TRPM3: variants seen among roughly 807,000 people sequenced by gnomAD.
TRPM3 encodes the protein transient receptor potential cation channel subfamily M member 3.
In TRPM3, 77 loss-of-function variants were observed where a neutral mutation model predicts 181.2. The observed-to-expected ratio is 0.42, with a 90% CI of 0.35 to 0.51. TRPM3 has a LOEUF of 0.51. Ranked by LOEUF, TRPM3 falls within the 20% of genes least tolerant of loss-of-function variation. TRPM3 has a pLI of 0.01. For synonymous variants in TRPM3, 745 were observed against 796.4 expected (o/e 0.94, Z 1.09); for missense variants, 1,759 against 2,196.7 (o/e 0.80, Z 3.98).
At chr9:71,244,842 G>T (rs1008620060) in intron 1 of TRPM3, among the ~76,000 whole-genome samples, 2 of 152,150 alleles carry the variant, frequency 1.3e-5, no homozygotes, top group African/African-American at 4.8e-5. Context: ...TGAAGGATTT[G>T]ATAGCACTAT....
intron 1 of TRPM3, among the ~76,000 whole-genome samples, chr9:71,103,503 A>G (rs2068802893): frequency 6.6e-6 from 1 of 152,214 alleles, no homozygotes; most frequent in Admixed American, 6.5e-5. Flanking sequence ...AAACTGTGTC[A>G]TTGTGATATT....
rs549615078 is a variant in TRPM3 at position 70,688,593 on chromosome 9, C to A, written c.1273-7015G>T. ...GGTCTTATCTCTTGCTGACTGCACT[C>A]CCACCATCACAGCATGACCCAATCC... On this transcript the variant is annotated intron_variant, in intron 8 of 25. Transcript: ENST00000677713. Among the ~76,000 whole-genome samples, 45 of 152,284 alleles carry A rather than the reference C, an allele frequency of 3.0e-4. No individual in the cohort carries two copies. The East Asian group carries it at 8.7e-3, about 29-fold the overall frequency.
intron 1 of TRPM3, among the ~76,000 whole-genome samples, chr9:70,925,056 C>T (rs1186682560): frequency 6.6e-6 from 1 of 152,188 alleles, no homozygotes; most frequent in Non-Finnish European, 1.5e-5. Context: ...CACGGACTCA[C>T]TTGAGTCAGT....
chr9:71,381,210 A>G (rs1202634402), intron 1 of TRPM3, among the ~76,000 whole-genome samples: 2 of 152,170 alleles, frequency 1.3e-5, no homozygotes, highest in Non-Finnish European at 2.9e-5. Context: ...ATGATAGAGG[A>G]CAGGGGTGAC....
chr9:70,794,252 C>T (rs866770202), intron 6 of TRPM3, among the ~76,000 whole-genome samples: 1 of 152,082 alleles, frequency 6.6e-6, no homozygotes, highest in Non-Finnish European at 1.5e-5. Flanking sequence ...CCATCTCTCA[C>T]GTAAAGAGAA....
At chr9:70,848,976 CAAAAAAA>C (rs749477799) in intron 3 of TRPM3, among the ~76,000 whole-genome samples, 1 of 11,976 alleles carries the variant, frequency 8.4e-5, no homozygotes, top group East Asian at 1.2e-3. Flanking sequence ...GACTCCGTCT[CAAAAAAA>C]AAAAAAAAAA....
intron 1 of TRPM3, among the ~76,000 whole-genome samples, chr9:71,021,679 T>C (rs2097848723): frequency 6.6e-6 from 1 of 152,128 alleles, no homozygotes; most frequent in Admixed American, 6.5e-5. Flanking sequence ...GACGAAATAT[T>C]TGAGGTCAGA....
At chr9:71,060,991 A>G (rs1313799945) in intron 1 of TRPM3, among the ~76,000 whole-genome samples, 2 of 152,100 alleles carry the variant, frequency 1.3e-5, no homozygotes, top group Admixed American at 1.3e-4. Context: ...TTAAGAAAAA[A>G]GTGGGTCTTT....
intron 1 of TRPM3, among the ~76,000 whole-genome samples, chr9:71,097,769 G>T (rs890698169): frequency 3.1e-4 from 47 of 152,070 alleles, no homozygotes; most frequent in Non-Finnish European, 6.9e-4. Flanking sequence ...CCAATCAGTG[G>T]TTTTAAAATA....
intron 22 of TRPM3, among the ~76,000 whole-genome samples, chr9:70,559,245 C>T (rs963031592): frequency 3.9e-5 from 6 of 152,150 alleles, no homozygotes; most frequent in Non-Finnish European, 8.8e-5. Flanking sequence ...ACATGGATGT[C>T]ACACACTGCA....
At chr9:70,595,876 G>T (rs1167401199) in intron 21 of TRPM3, among the ~76,000 whole-genome samples, 1 of 152,128 alleles carries the variant, frequency 6.6e-6, no homozygotes, top group Non-Finnish European at 1.5e-5. Context: ...TTGAACTGGG[G>T]TTCCGTTTTG....
At chr9:71,063,253 G>T (rs1180971913) in intron 1 of TRPM3, among the ~76,000 whole-genome samples, 4 of 152,254 alleles carry the variant, frequency 2.6e-5, no homozygotes, top group African/African-American at 9.6e-5. Flanking sequence ...GAGGAGCCTG[G>T]AATGCTGCTC....
At chr9:70,912,644 C>G (rs1187973840) in intron 1 of TRPM3, among the ~76,000 whole-genome samples, 1 of 152,084 alleles carries the variant, frequency 6.6e-6, no homozygotes, top group Non-Finnish European at 1.5e-5. Flanking sequence ...GAAGTCAAAA[C>G]AAATGTGGAT....
rs1590822689 is a variant in TRPM3, at chr9:71,032,101, T to TAA, written c.177+89076_177+89077insTT. On this transcript the variant is annotated intron_variant, in intron 1 of 25. Transcript: ENST00000677713. Reference sequence around the variant, plus strand: ...ATTATATATATATAATTATATAATATTATATATATTATATTATATATATTA... The same window carrying TAA: ...ATTATATATATATAATTATATAATATAATATATATATTATATTATATATATTA... Among the ~76,000 whole-genome samples, 2 of 94,030 alleles carry TAA rather than the reference T, an allele frequency of 2.1e-5. 1 individual carries two copies. Among genetic ancestry groups the TAA allele is most frequent in the East Asian group, 5.0e-4 (2 of 3,968 alleles). The allele number at this position is 94,030 out of a possible 152,430, so 61.7% of individuals were successfully genotyped here. A position where few individuals can be genotyped will look rare whatever the true frequency, so the allele number is the denominator to read the frequency against.
At chr9:70,934,583 A>T (rs1309539125) in intron 1 of TRPM3, among the ~76,000 whole-genome samples, 1 of 152,228 alleles carries the variant, frequency 6.6e-6, no homozygotes, top group African/African-American at 2.4e-5. Flanking sequence ...TCACCATGAA[A>T]TGGGAACAAA....
At chr9:70,929,597 G>A (rs1225000131) in intron 1 of TRPM3, among the ~76,000 whole-genome samples, 1 of 152,084 alleles carries the variant, frequency 6.6e-6, no homozygotes, top group Non-Finnish European at 1.5e-5. Context: ...AGTCCTTGAG[G>A]ATGGTGCTAT....
intron 1 of TRPM3, among the ~76,000 whole-genome samples, chr9:71,099,616 C>T (rs192828641): frequency 1.3e-5 from 2 of 152,074 alleles, no homozygotes; most frequent in Non-Finnish European, 2.9e-5. Flanking sequence ...GGTTCCCCCC[C>T]TCAAAAAACC....
intron 1 of TRPM3, among the ~76,000 whole-genome samples, chr9:70,969,278 G>A (rs531510606): frequency 6.6e-6 from 1 of 151,914 alleles, no homozygotes; most frequent in South Asian, 2.1e-4. Flanking sequence ...CTCTCAGGGG[G>A]TGGGGGGCTA....
rs144573212 is a variant in TRPM3 at position 70,533,265 on chromosome 9, C to G, written c.*2688G>C. ...TGATGTCAATGAATAATGTTTTCACCTCCTTCTTGGATTCCTCTATAGACC... is the reference window on the plus strand; with the variant it reads ...TGATGTCAATGAATAATGTTTTCACGTCCTTCTTGGATTCCTCTATAGACC... On this transcript the variant is annotated 3_prime_UTR_variant, in exon 26 of 26. Transcript: ENST00000677713. 1.1e-4 allele frequency: 17 copies of G among 152,194 alleles called. No homozygotes were observed. Among genetic ancestry groups the G allele is most frequent in the African/African-American group, 4.1e-4 (17 of 41,460 alleles). 9.4% of individuals were successfully genotyped at this position (152,194 alleles called of 1,614,324 possible). A position where few individuals can be genotyped will look rare whatever the true frequency, so the allele number is the denominator to read the frequency against.
Sources: allele counts gnomAD v4.1 joint callset (sites outside exome capture counted in the v4.1 genomes callset), GRCh38; gene constraint gnomAD v4.1.1; transcripts MANE v1.5; gene names NCBI Gene and HGNC (gene_info 2026-07-23, HGNC 2026-07-21).